ARL1: variants seen among roughly 807,000 people sequenced by gnomAD.
ARL1 encodes ADP-ribosylation factor-like protein 1.
In ARL1, 17 loss-of-function variants were observed where a neutral mutation model predicts 30.1. The ratio of observed to expected loss-of-function variants is 0.56; its 90% CI spans 0.39 to 0.85. The LOEUF is 0.85. Among genes scored for constraint, ARL1 ranks in the 40% least tolerant of loss-of-function variants. The pLI is 0.00. For missense variants in ARL1, 102 were observed against 212.6 expected (o/e 0.48, Z 3.24); for synonymous variants, 58 against 71.7 (o/e 0.81, Z 0.97).
In ARL1 at chr12:101,402,925, G is replaced by A. The variant is rs759551539; in HGVS notation, c.164C>T (p.Thr55Met). The A allele has an allele frequency of 1.4e-5, 22 of 1,612,558 alleles. No homozygotes were observed. The highest frequency in any genetic ancestry group is 1.8e-5 in the Non-Finnish European group (21 of 1,178,964). ...TIPTIGFNVE[T>M]VTYKNLKFQV... ...GAATTTAAGGTTTTTGTACGTCACC[G>A]TCTCTACATTAAATCCAATGGCTGG... The change falls in exon 3 of 6, where the codon ACG becomes ATG. Residue 55 changes from threonine (T) to methionine (M), a missense_variant. Coordinates refer to ENST00000261636, the MANE Select transcript of ARL1 (RefSeq NM_001177.6).
intron 4 of ARL1, among the ~76,000 whole-genome samples, chr12:101,399,062 C>T (rs1871229596): frequency 6.6e-6 from 1 of 151,940 alleles, no homozygotes; most frequent in Admixed American, 6.6e-5. Context: ...TAAACCTTAT[C>T]CTTACATTTA....
chr12:101,404,639 C>G (rs1871391731), intron 2 of ARL1, among the ~76,000 whole-genome samples: 1 of 152,136 alleles, frequency 6.6e-6, no homozygotes, highest in Non-Finnish European at 1.5e-5. Flanking sequence ...TAGAAATACC[C>G]TGAGTGACAG....
In ARL1 at chr12:101,395,390, T is replaced by C. The variant is rs1871121242; in HGVS notation, c.*250A>G. Reference sequence around the variant, plus strand: ...TATTTGAATAAGAATTCCATACAAATAGAATATATACCTTAACACAAGAAA... The same window carrying C: ...TATTTGAATAAGAATTCCATACAAACAGAATATATACCTTAACACAAGAAA... On this transcript the variant is annotated 3_prime_UTR_variant, in exon 6 of 6. Transcript: ENST00000261636. 1 of 395,864 alleles carries C rather than the reference T, an allele frequency of 2.5e-6. No individual in the cohort carries two copies. The allele number at this position is 395,864 out of a possible 1,614,324, so 24.5% of individuals were successfully genotyped here. A position where few individuals can be genotyped will look rare whatever the true frequency, so the allele number is the denominator to read the frequency against.
intron 1 of ARL1, among the ~76,000 whole-genome samples, chr12:101,406,465 A>T (rs1871443006): frequency 6.6e-6 from 1 of 152,202 alleles, no homozygotes; most frequent in African/African-American, 2.4e-5. Context: ...AAAAAGCTGA[A>T]AACAATAACT....
rs1871071879 is a variant in ARL1 at position 101,393,698 on chromosome 12, C to A, written c.*1942G>T. 6.6e-6 allele frequency: 1 copy of A among 152,036 alleles called. No individual in the cohort carries two copies. The highest frequency in any genetic ancestry group is 1.5e-5 in the Non-Finnish European group (1 of 68,032). The allele number at this position is 152,036 out of a possible 1,614,324, so 9.4% of individuals were successfully genotyped here. A position where few individuals can be genotyped will look rare whatever the true frequency, so the allele number is the denominator to read the frequency against. On this transcript the variant is annotated 3_prime_UTR_variant, in exon 6 of 6. Transcript: ENST00000261636. ...GCTGAACTTTGGGGCAACTTCATGC[C>A]CTAGGATTCAAGATGGCCAGCGGCT...
chr12:101,400,619 A>C (rs929377171), intron 4 of ARL1, among the ~76,000 whole-genome samples: 17 of 152,186 alleles, frequency 1.1e-4, no homozygotes, highest in Non-Finnish European at 1.3e-4. Flanking sequence ...TCGTGTCCAA[A>C]GAACAGAAAG....
intron 2 of ARL1, among the ~76,000 whole-genome samples, chr12:101,404,320 T>C (rs1871382020): frequency 6.6e-6 from 1 of 151,556 alleles, no homozygotes; most frequent in South Asian, 2.1e-4. Flanking sequence ...GAGGTAGAGG[T>C]AGACGCTGCA....
In ARL1 at chr12:101,405,993, T is replaced by A. The variant is rs1214001402; in HGVS notation, c.5-12A>T. 6.5e-7 allele frequency: 1 copy of A among 1,545,960 alleles called. No individual in the cohort carries two copies. The highest frequency in any genetic ancestry group is 2.0e-5 in the Admixed American group (1 of 49,006). ...TGAGAAAAAGCCACCTAAAAAATAA[T>A]AAAAGAAAAAACATACACAATGTCA... On this transcript the variant is annotated splice_polypyrimidine_tract_variant and intron_variant, in intron 1 of 5. Transcript: ENST00000261636.
At chr12:101,407,522 C>G in intron 1 of ARL1, 120 bp downstream of exon 1, 3 of 1,372,766 alleles carry the variant, frequency 2.2e-6, no homozygotes, top group Non-Finnish European at 2.0e-6. Flanking sequence ...CCTCCGCGAC[C>G]CGCCCCCTGA....
Position 101,402,908 on chromosome 12 carries a change from G to A in ARL1, c.181C>T (p.Leu61Phe), listed in dbSNP as rs2121120858. 1 of 1,613,162 alleles carries A rather than the reference G, an allele frequency of 6.2e-7. No individual in the cohort carries two copies. Among genetic ancestry groups the A allele is most frequent in the Non-Finnish European group, 8.5e-7 (1 of 1,179,394 alleles). Residue 61 changes from leucine (L) to phenylalanine (F), a missense_variant, in exon 3 of 6, where the codon CTT (leucine) becomes TTT (phenylalanine). Transcript: ENST00000261636. The part of the protein sequence containing the change: ...FNVETVTYKN[L>F]KFQVWDLGGQ... ...CCTAAATCCCAGACTTGGAATTTAA[G>A]GTTTTTGTACGTCACCGTCTCTACA...
rs1042467344 is a variant in ARL1 at position 101,400,950 on chromosome 12, A to G, written c.336+112T>C. On this transcript the variant is annotated intron_variant, in intron 4 of 5. Coordinates refer to ENST00000261636, the MANE Select transcript of ARL1 (RefSeq NM_001177.6). Reference sequence around the variant, plus strand: ...AATAGAAAATCATTTCCATAAAAGAAAATAATTTTAAAAGGATGGAGGGAA... The same window carrying G: ...AATAGAAAATCATTTCCATAAAAGAGAATAATTTTAAAAGGATGGAGGGAA... 4.2e-6 allele frequency: 3 copies of G among 716,714 alleles called. No individual in the cohort carries two copies. The African/African-American group carries it at 5.4e-5, about 13-fold the overall frequency. The allele number at this position is 716,714 out of a possible 1,614,324, so 44.4% of individuals were successfully genotyped here.
intron 2 of ARL1, among the ~76,000 whole-genome samples, chr12:101,405,299 A>G (rs1048847815): frequency 3.9e-5 from 6 of 152,244 alleles, no homozygotes; most frequent in Admixed American, 3.9e-4. Flanking sequence ...AATACAGGAA[A>G]AAAAGGCACT....
intron 4 of ARL1, among the ~76,000 whole-genome samples, chr12:101,399,663 G>A (rs904495870): frequency 6.6e-6 from 1 of 151,668 alleles, no homozygotes; most frequent in African/African-American, 2.4e-5. Context: ...ACAAGAGAAA[G>A]AAACTTATCC....
At chr12:101,406,376 T>C (rs960590235) in intron 1 of ARL1, among the ~76,000 whole-genome samples, 2 of 152,164 alleles carry the variant, frequency 1.3e-5, no homozygotes, top group Non-Finnish European at 1.5e-5. Flanking sequence ...GGAAAAGTAC[T>C]GTACAGCAGC....
At chr12:101,406,589 C>A (rs1179224563) in intron 1 of ARL1, among the ~76,000 whole-genome samples, 1 of 152,128 alleles carries the variant, frequency 6.6e-6, no homozygotes, top group African/African-American at 2.4e-5. Flanking sequence ...AAAGCACAGT[C>A]CTTTTCCCAT....
Position 101,403,025 on chromosome 12 carries a change from G to A in ARL1, c.143-79C>T, listed in dbSNP as rs185460455. On this transcript the variant is annotated intron_variant, in intron 2 of 5. Coordinates refer to ENST00000261636, the MANE Select transcript of ARL1 (RefSeq NM_001177.6). ...AAATATCCTATCTAATTGAGTTACA[G>A]CAATTAATGGTAACTGTTATTAGAG... 1.7e-4 allele frequency: 137 copies of A among 788,352 alleles called. 1 individual carries two copies. The East Asian group carries it at 3.1e-3, about 18-fold the overall frequency. The allele number at this position is 788,352 out of a possible 1,614,324, so 48.8% of individuals were successfully genotyped here. A position where few individuals can be genotyped will look rare whatever the true frequency, so the allele number is the denominator to read the frequency against.
chr12:101,406,745 G>C (rs1214420002), intron 1 of ARL1, among the ~76,000 whole-genome samples: 1 of 152,216 alleles, frequency 6.6e-6, no homozygotes, highest in Non-Finnish European at 1.5e-5. Flanking sequence ...CCATGGGCTA[G>C]AGAACCTTGG....
chr12:101,405,405 G>A (rs1871412346), intron 2 of ARL1, among the ~76,000 whole-genome samples: 1 of 152,102 alleles, frequency 6.6e-6, no homozygotes, highest in African/African-American at 2.4e-5. Context: ...AAACCAGTGG[G>A]TATTTGTTAT....
chr12:101,400,941 C>A, intron 4 of ARL1, 121 bp downstream of exon 4: 1 of 690,342 alleles, frequency 1.4e-6, no homozygotes, highest in Admixed American at 3.0e-5. Context: ...AAATCATTTC[C>A]ATAAAAGAAA....
Sources: allele counts gnomAD v4.1 joint callset (sites outside exome capture counted in the v4.1 genomes callset), GRCh38; gene constraint gnomAD v4.1.1; transcripts MANE v1.5; gene names NCBI Gene and HGNC (gene_info 2026-07-23, HGNC 2026-07-21).